The following SCHIP1 variants were observed in gnomAD, a reference collection of about 807,000 sequenced individuals.
The protein encoded by SCHIP1 is schwannomin-interacting protein 1.
Under a neutral mutation model 29.7 loss-of-function variants are expected in SCHIP1, and 8 were observed. That is an observed-to-expected ratio of 0.27 (90% CI 0.16 to 0.49). SCHIP1 has a LOEUF of 0.49. Among genes scored for constraint, SCHIP1 ranks in the 20% least tolerant of loss-of-function variants. The pLI, the probability that SCHIP1 is intolerant of heterozygous loss-of-function variation, is 0.99. For missense variants in SCHIP1, 193 were observed against 294.6 expected (o/e 0.66, Z 2.52); for synonymous variants, 76 against 94.9 (o/e 0.80, Z 1.16).
chr3:159,464,966 T>A, the SCHIP1 span, among the ~76,000 whole-genome samples: 693 of 152,266 alleles, frequency 4.6e-3, 7 homozygotes, highest in African/African-American at 0.016. Context: ...CTCGTTCTCA[T>A]GTCAGAAAGA....
chr3:159,778,446 T>A, the SCHIP1 span, among the ~76,000 whole-genome samples: 1 of 152,350 alleles, frequency 6.6e-6, no homozygotes, highest in Non-Finnish European at 1.5e-5. Context: ...GGATACATTT[T>A]TCAAGCTATT....
At chr3:159,784,738 C>T in the SCHIP1 span, among the ~76,000 whole-genome samples, 2 of 152,248 alleles carry the variant, frequency 1.3e-5, no homozygotes, top group African/African-American at 4.8e-5. Flanking sequence ...ACTGCAACCT[C>T]TGCCTCCCAG....
the SCHIP1 span, among the ~76,000 whole-genome samples, chr3:159,511,575 AGACTG>A: frequency 2.6e-3 from 400 of 152,288 alleles, 2 homozygotes; most frequent in African/African-American, 9.0e-3. Context: ...TTGGAGCTGT[AGACTG>A]GAGCTGTTCC....
chr3:159,626,656 T>C, the SCHIP1 span, among the ~76,000 whole-genome samples: 1 of 151,458 alleles, frequency 6.6e-6, no homozygotes, highest in Admixed American at 6.6e-5. Flanking sequence ...GTAGTTTGCT[T>C]TTTCACATTC....
intron 1 of SCHIP1, among the ~76,000 whole-genome samples, chr3:159,843,001 C>CTTTTTATTTTTTTT (rs1744397959): frequency 1.6e-5 from 1 of 63,710 alleles, no homozygotes; most frequent in Non-Finnish European, 3.3e-5. Flanking sequence ...ATATTTCTTT[C>CTTTTTATTTTTTTT]TTTTTTTTTT....
At chr3:159,441,792 A>G in the SCHIP1 span, among the ~76,000 whole-genome samples, 3 of 151,996 alleles carry the variant, frequency 2.0e-5, no homozygotes, top group Admixed American at 6.6e-5. Flanking sequence ...GATCAAGGAG[A>G]GTTTTGCAGA....
the SCHIP1 span, among the ~76,000 whole-genome samples, chr3:159,425,950 C>T: frequency 6.6e-6 from 1 of 152,104 alleles, no homozygotes; most frequent in Non-Finnish European, 1.5e-5. Flanking sequence ...CTACTGGGTA[C>T]ATAACGAAAT....
chr3:159,722,577 G>A, the SCHIP1 span, among the ~76,000 whole-genome samples: 468 of 152,108 alleles, frequency 3.1e-3, 2 homozygotes, highest in African/African-American at 0.011. Flanking sequence ...CATTTGAGAC[G>A]CAATATTTTG....
chr3:159,454,776 G>T, the SCHIP1 span, among the ~76,000 whole-genome samples: 1 of 152,180 alleles, frequency 6.6e-6, no homozygotes, highest in Non-Finnish European at 1.5e-5. Context: ...GAGCCTCAAT[G>T]ACTTGTCCAA....
chr3:159,560,969 T>A, the SCHIP1 span, among the ~76,000 whole-genome samples: 1 of 152,204 alleles, frequency 6.6e-6, no homozygotes, highest in East Asian at 1.9e-4. Flanking sequence ...AAATTGGAGT[T>A]TGATACTCTG....
chr3:159,872,687 G>T (rs1336650069), intron 2 of SCHIP1, among the ~76,000 whole-genome samples: 1 of 152,160 alleles, frequency 6.6e-6, no homozygotes, highest in Non-Finnish European at 1.5e-5. Flanking sequence ...CTCTCAGAAT[G>T]ATGGTTAATA....
the SCHIP1 span, among the ~76,000 whole-genome samples, chr3:159,614,404 C>A: frequency 6.6e-6 from 1 of 152,150 alleles, no homozygotes; most frequent in African/African-American, 2.4e-5. Context: ...TTTTTGACTA[C>A]AATAGCCATT....
the SCHIP1 span, among the ~76,000 whole-genome samples, chr3:159,698,638 T>A: frequency 2.6e-5 from 4 of 152,266 alleles, no homozygotes; most frequent in Admixed American, 1.3e-4. Flanking sequence ...TATTTTTTTT[T>A]ATTTTTTTAT....
At chr3:159,385,606 C>T in the SCHIP1 span, among the ~76,000 whole-genome samples, 2 of 149,874 alleles carry the variant, frequency 1.3e-5, no homozygotes, top group African/African-American at 4.9e-5. Context: ...AAAAAAAAAC[C>T]CAGAAATAAT....
chr3:159,669,540 C>T, the SCHIP1 span, among the ~76,000 whole-genome samples: 3 of 152,284 alleles, frequency 2.0e-5, no homozygotes, highest in Non-Finnish European at 4.4e-5. Context: ...TAGACAACTG[C>T]CTTCACTGGT....
intron 1 of SCHIP1, among the ~76,000 whole-genome samples, chr3:159,860,541 T>G (rs1388117939): frequency 6.6e-6 from 1 of 152,158 alleles, no homozygotes; most frequent in African/African-American, 2.4e-5. Context: ...TAGGGGTCAT[T>G]AGTGAATTAG....
chr3:159,828,452 CGT>C, the SCHIP1 span, among the ~76,000 whole-genome samples: 3 of 116,942 alleles, frequency 2.6e-5, no homozygotes, highest in African/African-American at 3.5e-5. Flanking sequence ...TATATATATA[CGT>C]ATATATATGT....
At chr3:159,790,466 C>T in the SCHIP1 span, among the ~76,000 whole-genome samples, 1 of 152,174 alleles carries the variant, frequency 6.6e-6, no homozygotes, top group Non-Finnish European at 1.5e-5. Flanking sequence ...GGGCGGATCA[C>T]TTGAGGTCAG....
chr3:159,856,493 G>T (rs1298946258), intron 1 of SCHIP1, among the ~76,000 whole-genome samples: 1 of 152,046 alleles, frequency 6.6e-6, no homozygotes, highest in Non-Finnish European at 1.5e-5. Flanking sequence ...TGACACTAAT[G>T]GAGAGAGAGA....
Sources: gnomAD v4.1 joint callset for allele counts (sites outside exome capture counted in the v4.1 genomes callset) on GRCh38, gnomAD v4.1.1 for gene constraint, MANE v1.5 for transcripts, NCBI Gene and HGNC (gene_info 2026-07-23, HGNC 2026-07-21) for gene names.